FER1L6: variants seen among roughly 807,000 people sequenced by gnomAD.
FER1L6 encodes the protein fer-1 like family member 6, also known as fer-1-like protein 6.
In FER1L6, 177 loss-of-function variants were observed where a neutral mutation model predicts 219.2. The observed-to-expected ratio is 0.81, with a 90% confidence interval of 0.71 to 0.91. The LOEUF (loss-of-function observed/expected upper bound fraction) is 0.91, where lower values mean the gene tolerates loss of function less well. Ranked by LOEUF, FER1L6 falls within the 40% of genes least tolerant of loss-of-function variation. The probability of loss-of-function intolerance (pLI) is 0.00; values close to 1 mark genes in which losing one functional copy is unlikely to be tolerated. For synonymous variants in FER1L6, 768 were observed against 824.3 expected (o/e 0.93, Z 1.17); for missense variants, 2,153 against 2,259.9 (o/e 0.95, Z 0.96).
At chr8:124,063,821 T>C (rs903348988) in intron 25 of FER1L6, among the ~76,000 whole-genome samples, 12 of 152,162 alleles carry the variant, frequency 7.9e-5, no homozygotes, top group South Asian at 4.1e-4. Context: ...ATGAGGACCA[T>C]TGGCAGTGAA....
chr8:123,993,209 G>A (rs1043568465), intron 12 of FER1L6, among the ~76,000 whole-genome samples: 7 of 151,974 alleles, frequency 4.6e-5, no homozygotes, highest in South Asian at 2.1e-4. Context: ...TTGGGAGGCC[G>A]AGGCGGGCGG....
intron 1 of FER1L6, among the ~76,000 whole-genome samples, chr8:123,907,966 T>G (rs1221240073): frequency 6.6e-6 from 1 of 152,040 alleles, no homozygotes; most frequent in Admixed American, 6.6e-5. Context: ...GGATAAACAG[T>G]ATCTAAGTGA....
chr8:123,881,015 T>C (rs560365562), intron 1 of FER1L6, among the ~76,000 whole-genome samples: 1 of 152,326 alleles, frequency 6.6e-6, no homozygotes, highest in East Asian at 1.9e-4. Flanking sequence ...GAAAGATCTC[T>C]TGTAAGTAAT....
intron 1 of FER1L6, among the ~76,000 whole-genome samples, chr8:123,946,148 C>G (rs916881763): frequency 6.6e-6 from 1 of 152,240 alleles, no homozygotes; most frequent in Admixed American, 6.5e-5. Context: ...TCCAGAAGTA[C>G]TAGCTCTTCC....
chr8:123,932,308 T>C (rs1410773369), intron 1 of FER1L6, among the ~76,000 whole-genome samples: 1 of 151,904 alleles, frequency 6.6e-6, no homozygotes, highest in Non-Finnish European at 1.5e-5. Context: ...AGGGTTTCAT[T>C]ATGGTGGCCA....
At chr8:123,924,337 T>TC (rs1813481950) in intron 1 of FER1L6, among the ~76,000 whole-genome samples, 1 of 150,870 alleles carries the variant, frequency 6.6e-6, no homozygotes, top group African/African-American at 2.4e-5. Flanking sequence ...GGTCAGGAGT[T>TC]CAAGACCAGC....
intron 1 of FER1L6, among the ~76,000 whole-genome samples, chr8:123,906,143 CT>C (rs1373528575): frequency 6.6e-6 from 1 of 152,230 alleles, no homozygotes; most frequent in Non-Finnish European, 1.5e-5. Context: ...TCCACTGACC[CT>C]TGGCCCAACT....
chr8:124,003,345 C>G lies in FER1L6; in HGVS notation c.1698C>G (p.Asn566Lys). The G allele has an allele frequency of 6.2e-7, 1 of 1,603,800 alleles. No individual in the cohort carries two copies. The highest frequency in any genetic ancestry group is 8.5e-7 in the Non-Finnish European group (1 of 1,174,788). The part of the protein sequence containing the change: ...HPEKPLVTEG[N>K]RNYNYLPFEA... ...AGAAGCCACTGGTGACAGAAGGGAA[C>G]AGGTAGGAGACATAGCCTGGGAGAA... The change falls in exon 13 of 41, where the codon AAC (asparagine) becomes AAG (lysine). Residue 566 changes from asparagine to lysine, a missense_variant and splice_region_variant. Asn to Lys is a moderately conservative substitution (Grantham distance 94). Coordinates refer to ENST00000522917, the MANE Select transcript of FER1L6 (RefSeq NM_001039112.2).
intron 12 of FER1L6, among the ~76,000 whole-genome samples, chr8:123,988,514 T>C (rs1015374672): frequency 3.3e-5 from 5 of 152,218 alleles, no homozygotes; most frequent in Admixed American, 2.6e-4. Context: ...CAGTGTTTTA[T>C]AGTTTTCGTT....
At chr8:123,949,589 C>T (rs1335744140) in intron 1 of FER1L6, among the ~76,000 whole-genome samples, 4 of 152,162 alleles carry the variant, frequency 2.6e-5, no homozygotes, top group Admixed American at 1.3e-4. Context: ...TTGGAGGAAG[C>T]TGTTTGGACT....
chr8:124,035,250 T>C (rs748959416), intron 18 of FER1L6, 27 bp from the exon 19 acceptor site: 2 of 1,603,900 alleles, frequency 1.2e-6, no homozygotes, highest in Admixed American at 3.4e-5. Context: ...TACTAATAAG[T>C]CAGTCTTTTT....
At chr8:124,003,963 A>G (rs1471846424) in intron 13 of FER1L6, among the ~76,000 whole-genome samples, 1 of 152,120 alleles carries the variant, frequency 6.6e-6, no homozygotes, top group Non-Finnish European at 1.5e-5. Context: ...GCAAAGTAAG[A>G]TAGGAAGGTC....
Position 124,101,310 on chromosome 8 carries a change from T to C in FER1L6, c.5097T>C (p.Phe1699=), listed in dbSNP as rs998202446. 7 of 1,613,706 alleles carry C rather than the reference T, an allele frequency of 4.3e-6. No individual in the cohort carries two copies. The highest frequency in any genetic ancestry group is 5.1e-6 in the Non-Finnish European group (6 of 1,179,812). ...TGTTGGTGCTGCAGGTTTGGGATTT[T>C]GAAAGGCTGTCCTCAGATGACTTCC... ...PAVLVLQVWD[F]ERLSSDDFLG... is the part of the protein sequence containing the mutation. Residue 1699 remains phenylalanine, a synonymous_variant, in exon 38 of 41, where the codon TTT becomes TTC. Coordinates refer to ENST00000522917, the MANE Select transcript of FER1L6 (RefSeq NM_001039112.2).
chr8:124,086,176 T>C (rs1821778436), intron 33 of FER1L6, among the ~76,000 whole-genome samples: 1 of 152,184 alleles, frequency 6.6e-6, no homozygotes, highest in South Asian at 2.1e-4. Flanking sequence ...CTGTGTCTTT[T>C]GATTGGAGAG....
intron 7 of FER1L6, 63 bp downstream of exon 7, chr8:123,973,575 A>G (rs1815920807): frequency 1.7e-6 from 2 of 1,204,716 alleles, no homozygotes; most frequent in Non-Finnish European, 2.5e-6. Context: ...ACCTGGAGTC[A>G]TCCCATTCAT....
In FER1L6 at chr8:124,028,528, T is replaced by C. The variant is rs1331260110; in HGVS notation, c.2286+4932T>C. Among the ~76,000 whole-genome samples, 3 of 128,480 alleles carry C rather than the reference T, an allele frequency of 2.3e-5. No homozygotes were observed. In the Admixed American group the frequency reaches 2.7e-4, roughly 11 times the overall value. 84.3% of individuals were successfully genotyped at this position (128,480 alleles called of 152,430 possible). A position where few individuals can be genotyped will look rare whatever the true frequency, so the allele number is the denominator to read the frequency against. ...AGTTTTTTAGCTGGGAAATAGGAAGTGAAGGTGGGCGGGGGTGGGGAGGGG... is the reference window on the plus strand; with the variant it reads ...AGTTTTTTAGCTGGGAAATAGGAAGCGAAGGTGGGCGGGGGTGGGGAGGGG... On this transcript the variant is annotated intron_variant, in intron 18 of 40. Transcript: ENST00000522917.
At chr8:124,025,269 G>GT (rs1158120995) in intron 18 of FER1L6, among the ~76,000 whole-genome samples, 1 of 151,848 alleles carries the variant, frequency 6.6e-6, no homozygotes, top group Admixed American at 6.6e-5. Flanking sequence ...TGCCAGAAGA[G>GT]TTTTTTTCTA....
intron 12 of FER1L6, among the ~76,000 whole-genome samples, chr8:123,990,197 G>A (rs767241509): frequency 1.2e-4 from 19 of 152,190 alleles, no homozygotes; most frequent in Non-Finnish European, 2.4e-4. Flanking sequence ...GAACCCAGGA[G>A]GCGGATCTTG....
chr8:124,081,535 C>T (rs1175765867), intron 32 of FER1L6, among the ~76,000 whole-genome samples: 1 of 147,004 alleles, frequency 6.8e-6, no homozygotes, highest in Non-Finnish European at 1.5e-5. Context: ...AGATCTCTTA[C>T]AGTTCACGGA....
Sources: gnomAD v4.1 joint callset for allele counts (sites outside exome capture counted in the v4.1 genomes callset) on GRCh38, gnomAD v4.1.1 for gene constraint, MANE v1.5 for transcripts, NCBI Gene and HGNC (gene_info 2026-07-23, HGNC 2026-07-21) for gene names.